Variants in TRAPPC10 observed in about 807,000 individuals in gnomAD.
TRAPPC10 encodes the protein trafficking protein particle complex subunit 10, also known as TRAPP 130 kDa subunit.
A neutral mutation model predicts 125.5 loss-of-function variants in TRAPPC10; 23 were observed. The observed-to-expected ratio is 0.18, with a 90% CI of 0.13 to 0.26. The LOEUF is 0.26. TRAPPC10 is among the 10% of genes least tolerant of loss of function. The pLI is 1.00. For missense variants in TRAPPC10, 1,123 were observed against 1,308.4 expected (o/e 0.86, Z 2.19); for synonymous variants, 509 against 518.0 (o/e 0.98, Z 0.24).
At chr21:44,031,508 T>C (rs956945487) in intron 1 of TRAPPC10, among the ~76,000 whole-genome samples, 1 of 152,194 alleles carries the variant, frequency 6.6e-6, no homozygotes, top group African/African-American at 2.4e-5. Flanking sequence ...ACTGAACACG[T>C]TGGCCCTCAA....
intron 15 of TRAPPC10, among the ~76,000 whole-genome samples, chr21:44,085,441 TC>T (rs1484288293): frequency 2.0e-5 from 3 of 152,180 alleles, no homozygotes; most frequent in African/African-American, 4.8e-5. Flanking sequence ...TATACTCAGA[TC>T]CCAGCACTTT....
chr21:44,077,606 C>A (rs2037381833), intron 10 of TRAPPC10, 87 bp from the exon 11 acceptor site: 43 of 1,069,528 alleles, frequency 4.0e-5, no homozygotes, highest in Non-Finnish European at 5.9e-5. Flanking sequence ...CCAACAATGT[C>A]TTTTGTGTGA....
chr21:44,057,865 G>A (rs867296690), intron 5 of TRAPPC10, among the ~76,000 whole-genome samples: 1 of 152,192 alleles, frequency 6.6e-6, no homozygotes, highest in African/African-American at 2.4e-5. Context: ...CAAATACATG[G>A]GGTGGAACTG....
At chr21:44,035,094 G>A (rs985928618) in intron 2 of TRAPPC10, among the ~76,000 whole-genome samples, 1 of 152,210 alleles carries the variant, frequency 6.6e-6, no homozygotes, top group Admixed American at 6.5e-5. Flanking sequence ...GTGTAGTTTG[G>A]ATGTGTCCCC....
Position 44,082,935 on chromosome 21 carries a change from A to C in TRAPPC10, c.1871A>C (p.Gln624Pro), listed in dbSNP as rs759832641. Residue 624 changes from glutamine (Q) to proline (P), a missense_variant, in exon 14 of 23, where the codon CAG becomes CCG. Gln to Pro is a moderately conservative substitution (Grantham distance 76, BLOSUM62 -1). Around this residue, in one of 4 missense-constraint regions of TRAPPC10, gnomAD observed 840 missense variants for 902.0 expected, o/e 0.93. Transcript: ENST00000291574. This position sits in a 1 kb window ranked among gnomAD's most constrained non-coding sequence, Gnocchi z 4.4. ...ATGCCTGTGCCTGTTCACGTGGAGC[A>C]GATTGTGGTCAATGTCCACTTCAGC... Reference protein sequence around the residue: ...SQMPVPVHVEQIVVNVHFSIE... With the variant: ...SQMPVPVHVEPIVVNVHFSIE... The C allele has an allele frequency of 1.2e-6, 2 of 1,614,152 alleles. No homozygotes were observed. Among genetic ancestry groups the C allele is most frequent in the Non-Finnish European group, 1.7e-6 (2 of 1,180,032 alleles).
chr21:44,020,314 G>A (rs2032368887), intron 1 of TRAPPC10, among the ~76,000 whole-genome samples: 1 of 151,788 alleles, frequency 6.6e-6, no homozygotes, highest in Non-Finnish European at 1.5e-5. Context: ...TTTTTAGTAA[G>A]GATGGAGTTC....
chr21:44,045,851 G>T (rs532526657), intron 3 of TRAPPC10, among the ~76,000 whole-genome samples: 1 of 151,886 alleles, frequency 6.6e-6, no homozygotes, highest in Non-Finnish European at 1.5e-5. Context: ...CCACCGCACC[G>T]GGCCAAGATT....
rs2037816249 is a variant in TRAPPC10, at chr21:44,082,356, C to T, written c.1724-432C>T. Among the ~76,000 whole-genome samples the T allele has an allele frequency of 2.0e-5, 3 of 152,286 alleles. No individual in the cohort carries two copies. The highest frequency in any genetic ancestry group is 3.4e-3 in the Middle Eastern group (1 of 294). On this transcript the variant is annotated intron_variant, in intron 13 of 22. Transcript: ENST00000291574. The surrounding 1 kb of genome is among the most constrained non-coding windows in gnomAD (Gnocchi z 4.4). Reference sequence around the variant, plus strand: ...TCGGCTGACTTTGTAGACTGGCAGACACCTGGGGTTTGTTTCCACATCACA... The same window carrying T: ...TCGGCTGACTTTGTAGACTGGCAGATACCTGGGGTTTGTTTCCACATCACA...
chr21:44,072,341 T>A (rs903157503), intron 7 of TRAPPC10, among the ~76,000 whole-genome samples: 1 of 152,202 alleles, frequency 6.6e-6, no homozygotes, highest in African/African-American at 2.4e-5. Flanking sequence ...GCATCCAGCG[T>A]CCTCTGCCGC....
At position 44,059,513 on chromosome 21, in the gene TRAPPC10, A is replaced by C. The variant is rs749398310; in HGVS notation, c.790+299A>C. On this transcript the variant is annotated intron_variant, in intron 6 of 22. Transcript: ENST00000291574. This position sits in a 1 kb window ranked among gnomAD's most constrained non-coding sequence, Gnocchi z 4.4. ...TCAGTGGCCTGCTGGTGATGCTTCG[A>C]TTCTGTCCCTCGTTAGAATCAGAGT... The C allele has an allele frequency of 1.3e-6, 1 of 756,042 alleles. No individual in the cohort carries two copies. The highest frequency in any genetic ancestry group is 2.5e-5 in the East Asian group (1 of 40,448). 46.8% of individuals were successfully genotyped at this position (756,042 alleles called of 1,614,324 possible).
rs754989914 is a variant in TRAPPC10 at position 44,079,731 on chromosome 21, G to A, written c.1610+27G>A. The A allele has an allele frequency of 6.3e-6, 10 of 1,592,498 alleles. No individual in the cohort carries two copies. The East Asian group carries it at 2.2e-4, about 36-fold the overall frequency. ...TATCCTTTAATGTTTTCATGAAGCA[G>A]GAAAATTATTTTCTGTTTATACGGC... On this transcript the variant is annotated intron_variant, in intron 12 of 22. Transcript: ENST00000291574.
Position 44,087,912 on chromosome 21 carries a change from T to C in TRAPPC10, c.2753T>C (p.Val918Ala), listed in dbSNP as rs779124473. The change falls in exon 17 of 23, where the codon GTT (valine) becomes GCT (alanine). Residue 918 changes from valine (V) to alanine (A), a missense_variant. By Grantham distance (64) the Val-to-Ala change is moderately conservative. This residue lies in a region of TRAPPC10 where 840 missense variants were observed against 902.0 expected (regional missense o/e 0.93). Coordinates refer to ENST00000291574, the MANE Select transcript of TRAPPC10 (RefSeq NM_003274.5). The surrounding 1 kb of genome is among the most constrained non-coding windows in gnomAD (Gnocchi z 4.6). ...KDKQRTGRCMVTTDHKVSIDC... is the reference protein window; with the variant it reads ...KDKQRTGRCMATTDHKVSIDC... ...AAACAGAGAACTGGCCGCTGCATGG[T>C]TACCACAGACCACAAAGTGAGTAGG... 2.5e-5 allele frequency: 40 copies of C among 1,613,578 alleles called. No individual in the cohort carries two copies. Among genetic ancestry groups the C allele is most frequent in the Non-Finnish European group, 3.3e-5 (39 of 1,179,884 alleles).
intron 13 of TRAPPC10, among the ~76,000 whole-genome samples, chr21:44,080,533 TC>T: frequency 7.0e-6 from 1 of 142,358 alleles, no homozygotes. Context: ...CATCTCTTTT[TC>T]TTCTTCTTCT....
At chr21:44,037,669 T>G in intron 2 of TRAPPC10, 123 bp from the exon 3 acceptor site, 1 of 1,087,836 alleles carries the variant, frequency 9.2e-7, no homozygotes, top group Non-Finnish European at 1.3e-6. Flanking sequence ...GTAGTTATGA[T>G]TTGGGGTTAA....
At chr21:44,024,201 C>G (rs2032841376) in intron 1 of TRAPPC10, among the ~76,000 whole-genome samples, 1 of 152,228 alleles carries the variant, frequency 6.6e-6, no homozygotes, top group Non-Finnish European at 1.5e-5. Context: ...TCTGTGTTTT[C>G]TCTTTTCCAC....
At chr21:44,031,963 A>G (rs909739776) in intron 1 of TRAPPC10, 128 bp from the exon 2 acceptor site, 3 of 750,396 alleles carry the variant, frequency 4.0e-6, no homozygotes, top group Non-Finnish European at 6.8e-6. Context: ...ACAGGTACAG[A>G]AGAATCTTGC....
rs1221963780 is a variant in TRAPPC10 at position 44,094,188 on chromosome 21, C to A, written c.3123C>A (p.Ile1041=). Reference sequence around the variant, plus strand: ...CAGCTTCTGAGGAACAGCTGTCTATCTCCTTAAAGCCGTATACTTATGAAT... The same window carrying A: ...CAGCTTCTGAGGAACAGCTGTCTATATCCTTAAAGCCGTATACTTATGAAT... ...FSPASEEQLS[I]SLKPYTYEFK... The change falls in exon 20 of 23, where the codon ATC becomes ATA. Residue 1041 remains isoleucine (I), a synonymous_variant. Coordinates refer to ENST00000291574, the MANE Select transcript of TRAPPC10 (RefSeq NM_003274.5). The A allele has an allele frequency of 1.9e-6, 3 of 1,614,120 alleles. No individual in the cohort carries two copies. Among genetic ancestry groups the A allele is most frequent in the Non-Finnish European group, 2.5e-6 (3 of 1,180,040 alleles).
rs1472423354 is a variant in TRAPPC10 at position 44,063,696 on chromosome 21, T to G, written c.949T>G (p.Leu317Val). The G allele has an allele frequency of 6.2e-7, 1 of 1,614,180 alleles. No homozygotes were observed. Among genetic ancestry groups the G allele is most frequent in the South Asian group, 1.1e-5 (1 of 91,086 alleles). ...TTACCTGTTCTCTCGCCAGTGCACC[T>G]TGCTGCTCTTCCTGCAGAGGCCGTG... The part of the protein sequence containing the change: ...RSYLFSRQCT[L>V]LLFLQRPWEV... The change falls in exon 7 of 23, where the codon TTG (leucine) becomes GTG (valine). Residue 317 changes from leucine (L) to valine (V), a missense_variant. By Grantham distance (32) the Leu-to-Val change is conservative. This residue lies in a region of TRAPPC10 where 91 missense variants were observed against 127.1 expected (regional missense o/e 0.72). Coordinates refer to ENST00000291574, the MANE Select transcript of TRAPPC10 (RefSeq NM_003274.5). The surrounding 1 kb of genome is among the most constrained non-coding windows in gnomAD (Gnocchi z 4.4).
Position 44,074,408 on chromosome 21 carries a change from C to T in TRAPPC10, c.1123C>T (p.Arg375Trp), listed in dbSNP as rs193063951. The T allele has an allele frequency of 4.6e-5, 75 of 1,614,198 alleles. No homozygotes were observed. The East Asian group carries it at 6.5e-4, about 14-fold the overall frequency. ...VLQRIEGCCD[R>W]AQIDSNIAHT... ...GCAGAGGATAGAAGGCTGCTGTGACCGGGCACAGATCGACTCAAACATTGC... is the reference window on the plus strand; with the variant it reads ...GCAGAGGATAGAAGGCTGCTGTGACTGGGCACAGATCGACTCAAACATTGC... Residue 375 changes from arginine (R) to tryptophan (W), a missense_variant, in exon 8 of 23, where the codon CGG (arginine) becomes TGG (tryptophan). Physicochemically the swap from Arg to Trp is moderately radical, Grantham distance 101 (BLOSUM62 -3). Coordinates refer to ENST00000291574, the MANE Select transcript of TRAPPC10 (RefSeq NM_003274.5).
Sources: allele counts gnomAD v4.1 joint callset (sites outside exome capture counted in the v4.1 genomes callset), GRCh38; gene constraint gnomAD v4.1.1; regional missense constraint gnomAD v4.1.1; non-coding constraint Gnocchi (gnomAD v3.1); transcripts MANE v1.5; gene names NCBI Gene and HGNC (gene_info 2026-07-23, HGNC 2026-07-21).